The following ANKRD17 variants were observed in gnomAD, a reference collection of about 807,000 sequenced individuals.
ANKRD17 encodes the protein ankyrin repeat domain 17, also known as ankyrin repeat domain-containing protein 17.
ANKRD17 carries 19 observed loss-of-function variants against 229.7 expected under a neutral mutation model. The ratio of observed to expected loss-of-function variants is 0.08; its 90% CI spans 0.06 to 0.12. The LOEUF is 0.12. ANKRD17 is among the 10% of genes least tolerant of loss of function. ANKRD17 has a pLI of 1.00. For missense variants in ANKRD17, 2,176 were observed against 3,176.8 expected (o/e 0.68, Z 7.57); for synonymous variants, 1,112 against 1,146.1 (o/e 0.97, Z 0.60).
Position 73,233,796 on chromosome 4 carries a change from TCAAA to T in ANKRD17, c.393+24476_393+24479del, listed in dbSNP as rs747360324. Among the ~76,000 whole-genome samples, 15 of 152,318 alleles carry T rather than the reference TCAAA, an allele frequency of 9.8e-5. 1 individual carries two copies. The East Asian group carries it at 2.7e-3, about 27-fold the overall frequency. On this transcript the variant is annotated intron_variant, in intron 1 of 33. Transcript: ENST00000358602. ...AACATAGGTCAAAATCTATTGTCTC[TCAAA>T]CAGTGAAGTCACTGTTCCACTGCCT...
At chr4:73,173,642 A>G (rs1734334100) in intron 2 of ANKRD17, among the ~76,000 whole-genome samples, 1 of 152,246 alleles carries the variant, frequency 6.6e-6, no homozygotes, top group Non-Finnish European at 1.5e-5. Context: ...TTCCCAAAGT[A>G]CAAGAGCAGG....
intron 29 of ANKRD17, among the ~76,000 whole-genome samples, chr4:73,086,664 C>T (rs778267796): frequency 1.3e-5 from 2 of 150,908 alleles, no homozygotes; most frequent in Non-Finnish European, 2.9e-5. Context: ...TCATAGCTCA[C>T]GGTAGCCACA....
At chr4:73,162,270 G>A (rs1432007723) in intron 2 of ANKRD17, among the ~76,000 whole-genome samples, 1 of 151,988 alleles carries the variant, frequency 6.6e-6, no homozygotes, top group Non-Finnish European at 1.5e-5. Context: ...GGCTGGTCTC[G>A]AACTCCTGGG....
At chr4:73,130,879 G>A (rs1306167289) in intron 16 of ANKRD17, among the ~76,000 whole-genome samples, 1 of 152,054 alleles carries the variant, frequency 6.6e-6, no homozygotes, top group Non-Finnish European at 1.5e-5. Flanking sequence ...TAACCTTCAA[G>A]TCAGAATTAT....
At chr4:73,122,879 A>G (rs188222680) in intron 18 of ANKRD17, among the ~76,000 whole-genome samples, 98 of 152,216 alleles carry the variant, frequency 6.4e-4, no homozygotes, top group African/African-American at 1.9e-3. Context: ...CAATGCCATT[A>G]TATTTCTCAA....
At chr4:73,189,267 A>G (rs550001115) in intron 1 of ANKRD17, among the ~76,000 whole-genome samples, 41 of 152,174 alleles carry the variant, frequency 2.7e-4, no homozygotes, top group Non-Finnish European at 7.4e-5. Flanking sequence ...AGTATAAAAG[A>G]CAACTACAAG....
chr4:73,114,186 T>C (rs1410853369), intron 23 of ANKRD17, among the ~76,000 whole-genome samples: 1 of 152,194 alleles, frequency 6.6e-6, no homozygotes, highest in Non-Finnish European at 1.5e-5. Flanking sequence ...AATTTAAATA[T>C]AAGAAATTGT....
intron 1 of ANKRD17, among the ~76,000 whole-genome samples, chr4:73,228,894 CAAT>C (rs1316464416): frequency 2.6e-5 from 4 of 152,110 alleles, no homozygotes; most frequent in South Asian, 2.1e-4. Context: ...AAATGTCCAA[CAAT>C]GATAGACTGG....
Position 73,091,204 on chromosome 4 carries a change from T to C in ANKRD17, c.6424A>G (p.Thr2142Ala). The C allele has an allele frequency of 6.2e-7, 1 of 1,614,120 alleles. No individual in the cohort carries two copies. Among genetic ancestry groups the C allele is most frequent in the Non-Finnish European group, 8.5e-7 (1 of 1,180,030 alleles). ...EVRMTVPPLA[T>A]SSAPVAVPST... ...GGCACCGCCACTGGAGCAGAACTTG[T>C]TGCTAAAGGAGGAACAGTCATTCTA... is the stretch of plus-strand genomic sequence containing the variant. Residue 2142 changes from threonine (T) to alanine (A), a missense_variant, in exon 29 of 34, where the codon ACA becomes GCA. Thr to Ala is a moderately conservative substitution (Grantham distance 58, BLOSUM62 0). Transcript: ENST00000358602.
chr4:73,213,867 T>G (rs1427140664), intron 1 of ANKRD17, among the ~76,000 whole-genome samples: 1 of 152,148 alleles, frequency 6.6e-6, no homozygotes, highest in Non-Finnish European at 1.5e-5. Context: ...AGAACTTCTC[T>G]TGACCAGATG....
chr4:73,197,643 C>G (rs991155216), intron 1 of ANKRD17, among the ~76,000 whole-genome samples: 1 of 152,020 alleles, frequency 6.6e-6, no homozygotes, highest in Non-Finnish European at 1.5e-5. Context: ...CTAGCTTGAG[C>G]AACATAGCAA....
chr4:73,110,895 A>T (rs1469056779), intron 24 of ANKRD17, among the ~76,000 whole-genome samples: 1 of 152,224 alleles, frequency 6.6e-6, no homozygotes, highest in Non-Finnish European at 1.5e-5. Context: ...TTATGGAAAA[A>T]TATACAACGA....
rs370079280 is a variant in ANKRD17 at position 73,115,814 on chromosome 4, A to G, written c.4284+7T>C. On this transcript the variant is annotated splice_region_variant and intron_variant, in intron 23 of 33. Coordinates refer to ENST00000358602, the MANE Select transcript of ANKRD17 (RefSeq NM_032217.5). Reference sequence around the variant, plus strand: ...GTCCCTTGCTCATATAGTGAACAACATATTACCTTATCAGTGATGGTTGCT... The same window carrying G: ...GTCCCTTGCTCATATAGTGAACAACGTATTACCTTATCAGTGATGGTTGCT... 8.1e-6 allele frequency: 13 copies of G among 1,607,144 alleles called. No individual in the cohort carries two copies. Among genetic ancestry groups the G allele is most frequent in the African/African-American group, 4.0e-5 (3 of 74,792 alleles).
rs142426570 is a variant in ANKRD17 at position 73,094,336 on chromosome 4, T to C, written c.5178-108A>G. The stretch of plus-strand genomic sequence containing the variant: ...AAAATGTCTTTCTATAAATACAGAA[T>C]ATTGTTGAATAAGCCTCTTCTATTT... On this transcript the variant is annotated intron_variant, in intron 27 of 33. Coordinates refer to ENST00000358602, the MANE Select transcript of ANKRD17 (RefSeq NM_032217.5). 1,535 of 1,011,702 alleles carry C rather than the reference T, an allele frequency of 1.5e-3. 8 individuals carry two copies. Among genetic ancestry groups the C allele is most frequent in the African/African-American group, 0.014 (851 of 61,812 alleles). The allele number at this position is 1,011,702 out of a possible 1,614,324, so 62.7% of individuals were successfully genotyped here.
intron 24 of ANKRD17, among the ~76,000 whole-genome samples, chr4:73,109,507 C>A (rs1372420998): frequency 6.6e-6 from 1 of 151,938 alleles, no homozygotes; most frequent in Non-Finnish European, 1.5e-5. Context: ...TCTGATAGTT[C>A]AATTTTCTCA....
chr4:73,153,660 C>T (rs1397511231), intron 6 of ANKRD17, among the ~76,000 whole-genome samples: 1 of 152,072 alleles, frequency 6.6e-6, no homozygotes, highest in Non-Finnish European at 1.5e-5. Context: ...ACAATTAGAT[C>T]AATTAATACT....
Position 73,091,936 on chromosome 4 carries a change from G to T in ANKRD17, c.5692C>A (p.Gln1898Lys). ...PQFAHALLAA[Q>K]TFQQIRPPRL... is the part of the protein sequence containing the mutation. ...GGTGGACGGATCTGCTGGAAAGTCTGAGCAGCAAGCAAAGCATGTGCAAAC... is the reference window on the plus strand; with the variant it reads ...GGTGGACGGATCTGCTGGAAAGTCTTAGCAGCAAGCAAAGCATGTGCAAAC... The change falls in exon 29 of 34, where the codon CAG becomes AAG. Residue 1898 changes from glutamine to lysine, a missense_variant. Transcript: ENST00000358602. The T allele has an allele frequency of 6.2e-7, 1 of 1,614,186 alleles. No homozygotes were observed. Among genetic ancestry groups the T allele is most frequent in the African/African-American group, 1.3e-5 (1 of 75,042 alleles).
chr4:73,142,783 C>T lies in ANKRD17; in HGVS notation c.1958-16G>A, dbSNP rs779641751. 11 of 1,590,916 alleles carry T rather than the reference C, an allele frequency of 6.9e-6. No individual in the cohort carries two copies. The highest frequency in any genetic ancestry group is 9.4e-6 in the Non-Finnish European group (11 of 1,170,098). ...ACATTCGCTCCTAAAACAGAAAAGGCATGGAAAATCATATTAGTAGAATGG... is the reference window on the plus strand; with the variant it reads ...ACATTCGCTCCTAAAACAGAAAAGGTATGGAAAATCATATTAGTAGAATGG... On this transcript the variant is annotated splice_polypyrimidine_tract_variant and intron_variant, in intron 11 of 33. Transcript: ENST00000358602.
At chr4:73,106,961 G>C (rs1724720859) in intron 24 of ANKRD17, among the ~76,000 whole-genome samples, 1 of 150,078 alleles carries the variant, frequency 6.7e-6, no homozygotes, top group African/African-American at 2.5e-5. Flanking sequence ...AAAGATAAGA[G>C]AGAGACACAG....
Sources: allele counts gnomAD v4.1 joint callset (sites outside exome capture counted in the v4.1 genomes callset), GRCh38; gene constraint gnomAD v4.1.1; transcripts MANE v1.5; gene names NCBI Gene and HGNC (gene_info 2026-07-23, HGNC 2026-07-21).